DPH6: variants seen among roughly 807,000 people sequenced by gnomAD.
The protein encoded by DPH6 is diphthamine biosynthesis 6.
DPH6 carries 33 observed loss-of-function variants against 38.2 expected under a neutral mutation model. The ratio of observed to expected loss-of-function variants is 0.86; its 90% confidence interval spans 0.65 to 1.15. The LOEUF is 1.15. DPH6 is among the 50% of genes most tolerant of loss of function. DPH6 has a pLI of 0.00. For synonymous variants in DPH6, 108 were observed against 103.0 expected (o/e 1.05, Z -0.30); for missense variants, 325 against 320.0 (o/e 1.02, Z -0.12).
intron 5 of DPH6, among the ~76,000 whole-genome samples, chr15:35,424,220 C>G (rs1425978298): frequency 6.6e-6 from 1 of 151,466 alleles, no homozygotes; most frequent in African/African-American, 2.4e-5. Context: ...TAATGTTTGA[C>G]TTTTTAAATT....
chr15:35,211,679 AAT>A, the DPH6 span, among the ~76,000 whole-genome samples: 2 of 152,344 alleles, frequency 1.3e-5, no homozygotes, highest in African/African-American at 4.8e-5. Context: ...AACACTATGA[AAT>A]ATATGTCACT....
intron 3 of DPH6, among the ~76,000 whole-genome samples, chr15:35,241,497 T>C (rs932584044): frequency 1.6e-5 from 2 of 127,396 alleles, no homozygotes; most frequent in South Asian, 2.8e-4. Context: ...TTATGCACTC[T>C]TTTTTAGTTA....
At chr15:35,274,834 C>T (rs2051846768) in intron 3 of DPH6, among the ~76,000 whole-genome samples, 1 of 151,996 alleles carries the variant, frequency 6.6e-6, no homozygotes, top group Non-Finnish European at 1.5e-5. Flanking sequence ...GACAGTGCGG[C>T]GATTCCTCAA....
intron 3 of DPH6, among the ~76,000 whole-genome samples, chr15:35,508,489 A>T (rs1244292555): frequency 6.6e-6 from 1 of 152,170 alleles, no homozygotes; most frequent in Non-Finnish European, 1.5e-5. Flanking sequence ...TATTCAAAAA[A>T]CCATATTTGT....
chr15:35,266,449 G>A (rs2051784290), intron 3 of DPH6, among the ~76,000 whole-genome samples: 1 of 152,132 alleles, frequency 6.6e-6, no homozygotes, highest in South Asian at 2.1e-4. Flanking sequence ...ATAATATATG[G>A]CTACAGATTG....
the DPH6 span, among the ~76,000 whole-genome samples, chr15:35,174,399 T>A: frequency 6.6e-6 from 1 of 152,224 alleles, no homozygotes. Flanking sequence ...TGAGTCCTTT[T>A]ATAACCTCTT....
At chr15:35,299,277 T>A in intron 3 of DPH6, 1 of 1,054,712 alleles carries the variant, frequency 9.5e-7, no homozygotes, top group Non-Finnish European at 1.5e-6. Flanking sequence ...CACCTCGTTG[T>A]AGGTCAATGA....
At chr15:35,489,156 T>C (rs534448477) in intron 3 of DPH6, 57 of 244,786 alleles carry the variant, frequency 2.3e-4, no homozygotes, top group African/African-American at 1.3e-3. Flanking sequence ...AATTTGAAAT[T>C]GGAACTAAAG....
chr15:35,253,817 A>C (rs2051690630), intron 3 of DPH6, among the ~76,000 whole-genome samples: 1 of 152,216 alleles, frequency 6.6e-6, no homozygotes, highest in African/African-American at 2.4e-5. Flanking sequence ...CGGCACATCA[A>C]CCAGCAGCAT....
chr15:35,397,911 ACAC>A (rs1485445536), intron 6 of DPH6, among the ~76,000 whole-genome samples: 46 of 151,716 alleles, frequency 3.0e-4, no homozygotes, highest in South Asian at 8.4e-4. Flanking sequence ...ACACACACAC[ACAC>A]AAGATTCTGA....
chr15:35,327,625 C>T (rs148696290), downstream of DPH6, among the ~76,000 whole-genome samples: 24 of 152,206 alleles, frequency 1.6e-4, no homozygotes, highest in East Asian at 4.3e-3. Context: ...CGTGCCTGGC[C>T]TCTAGAAAAG....
At chr15:35,316,107 T>G (rs768713237) in intron 3 of DPH6, among the ~76,000 whole-genome samples, 12 of 151,526 alleles carry the variant, frequency 7.9e-5, no homozygotes, top group Non-Finnish European at 1.6e-4. Flanking sequence ...ATAGAAGAAA[T>G]AAGACCTAGT....
At chr15:35,256,177 TTTA>T (rs1381241933) in intron 3 of DPH6, among the ~76,000 whole-genome samples, 1 of 152,122 alleles carries the variant, frequency 6.6e-6, no homozygotes, top group South Asian at 2.1e-4. Context: ...ATTTACAAAT[TTTA>T]TTATTATCTA....
chr15:35,401,801 G>A, intron 6 of DPH6: 1 of 602,920 alleles, frequency 1.7e-6, no homozygotes. Context: ...AACAGGAGAG[G>A]AGAGCCAGAG....
downstream of DPH6, among the ~76,000 whole-genome samples, chr15:35,329,653 A>C (rs1188112554): frequency 6.6e-6 from 1 of 152,114 alleles, no homozygotes; most frequent in Non-Finnish European, 1.5e-5. Context: ...CAAGCAGATG[A>C]TCAGTTCTGT....
intron 6 of DPH6, among the ~76,000 whole-genome samples, chr15:35,406,638 G>T (rs2053297582): frequency 6.6e-6 from 1 of 151,988 alleles, no homozygotes; most frequent in African/African-American, 2.4e-5. Context: ...TAGGAACAAA[G>T]GAGTATATGA....
At chr15:35,488,872 G>A (rs1028940462) in intron 3 of DPH6, among the ~76,000 whole-genome samples, 1 of 152,042 alleles carries the variant, frequency 6.6e-6, no homozygotes. Context: ...ATTTTACTAA[G>A]TTCCCCCAAA....
chr15:35,390,050 T>A (rs1270583258), intron 6 of DPH6, among the ~76,000 whole-genome samples: 1 of 152,158 alleles, frequency 6.6e-6, no homozygotes, highest in East Asian at 1.9e-4. Context: ...GTGACAAAAA[T>A]CTCTCAGCAT....
chr15:35,153,100 TG>T, the DPH6 span, among the ~76,000 whole-genome samples: 1 of 152,218 alleles, frequency 6.6e-6, no homozygotes, highest in African/African-American at 2.4e-5. Context: ...GTGAAAATTA[TG>T]TAAAATTAAA....
Sources: allele counts gnomAD v4.1 joint callset (sites outside exome capture counted in the v4.1 genomes callset), GRCh38; gene constraint gnomAD v4.1.1; transcripts MANE v1.5; gene names NCBI Gene and HGNC (gene_info 2026-07-23, HGNC 2026-07-21).